The following RIMS3 variants were observed in gnomAD, a reference collection of about 807,000 sequenced individuals.
RIMS3 encodes regulating synaptic membrane exocytosis 3.
A neutral mutation model predicts 29.2 loss-of-function variants in RIMS3; 15 were observed. That is an observed-to-expected ratio of 0.51 (90% confidence interval 0.34 to 0.79). RIMS3 has a LOEUF of 0.79. RIMS3 is among the 30% of genes least tolerant of loss of function. The probability of loss-of-function intolerance (pLI) is 0.01; values close to 1 mark genes in which losing one functional copy is unlikely to be tolerated. For missense variants in RIMS3, 342 were observed against 421.4 expected (o/e 0.81, Z 1.65); for synonymous variants, 161 against 170.1 (o/e 0.95, Z 0.41).
the RIMS3 span, among the ~76,000 whole-genome samples, chr1:40,689,394 G>A: frequency 6.6e-6 from 1 of 152,226 alleles, no homozygotes; most frequent in Middle Eastern, 3.4e-3. Context: ...CAATTCTCCT[G>A]CCTCAGCCTC....
intron 1 of RIMS3, among the ~76,000 whole-genome samples, chr1:40,664,506 C>A (rs1344741470): frequency 6.6e-6 from 1 of 152,196 alleles, no homozygotes; most frequent in African/African-American, 2.4e-5. Context: ...TCCCTACATC[C>A]TGATAACACC....
rs1646605037 is a variant in RIMS3, at chr1:40,647,732, T to C, written c.-96A>G. 6.6e-6 allele frequency: 1 copy of C among 152,118 alleles called. No individual in the cohort carries two copies. The highest frequency in any genetic ancestry group is 2.4e-5 in the African/African-American group (1 of 41,400). 9.4% of individuals were successfully genotyped at this position (152,118 alleles called of 1,614,324 possible). On this transcript the variant is annotated 5_prime_UTR_variant, in exon 2 of 8. The change abolishes the stop of an existing upstream ORF in the 5' untranslated region. Transcript: ENST00000372684. Reference sequence around the variant, plus strand: ...GGGCTGCCTCCCAACAGCACACCCCTAGGGCATTTGCACAAGGCTTCAATT... The same window carrying C: ...GGGCTGCCTCCCAACAGCACACCCCCAGGGCATTTGCACAAGGCTTCAATT...
At chr1:40,688,459 T>C in the RIMS3 span, among the ~76,000 whole-genome samples, 4 of 152,186 alleles carry the variant, frequency 2.6e-5, no homozygotes, top group Admixed American at 2.6e-4. Flanking sequence ...TTGAACCATT[T>C]CCTGGGGGTA....
rs1208726820 is a variant in RIMS3 at position 40,636,577 on chromosome 1, G to T, written c.218-520C>A. On this transcript the variant is annotated intron_variant, in intron 3 of 7. Transcript: ENST00000372684. This position sits in a 1 kb window ranked among gnomAD's most constrained non-coding sequence, Gnocchi z 4.2. ...CTCTATAGGAAAGCCCCCATGGGAA[G>T]CCTGGCCACTCTCAAACAAACCCAC... Among the ~76,000 whole-genome samples the T allele has an allele frequency of 6.6e-6, 1 of 152,172 alleles. No homozygotes were observed. Among genetic ancestry groups the T allele is most frequent in the Non-Finnish European group, 1.5e-5 (1 of 68,034 alleles).
the RIMS3 span, among the ~76,000 whole-genome samples, chr1:40,689,117 T>C: frequency 2.0e-4 from 31 of 152,344 alleles, 1 homozygote; most frequent in South Asian, 6.0e-3. Flanking sequence ...TCACACAACA[T>C]TACAGGTTAT....
the RIMS3 span, among the ~76,000 whole-genome samples, chr1:40,674,433 C>A: frequency 6.6e-6 from 1 of 152,184 alleles, no homozygotes; most frequent in South Asian, 2.1e-4. Context: ...GCAGATAGGG[C>A]CAGCACCGGA....
intron 7 of RIMS3, among the ~76,000 whole-genome samples, chr1:40,627,653 G>A (rs1242392436): frequency 6.6e-6 from 1 of 152,048 alleles, no homozygotes; most frequent in African/African-American, 2.4e-5. Flanking sequence ...CCAGGCTGGA[G>A]TGCAGTGGCA....
At chr1:40,691,906 G>A in the RIMS3 span, 2 of 348,140 alleles carry the variant, frequency 5.7e-6, no homozygotes, top group Admixed American at 7.8e-5. Flanking sequence ...GAGGGTGATA[G>A]GGAAGCGGCG....
rs1168128814 is a variant in RIMS3, at chr1:40,622,853, G to A, written c.*3664C>T. The A allele has an allele frequency of 6.5e-6, 1 of 152,754 alleles. No homozygotes were observed. The highest frequency in any genetic ancestry group is 1.5e-5 in the Non-Finnish European group (1 of 68,134). 9.5% of individuals were successfully genotyped at this position (152,754 alleles called of 1,614,324 possible). On this transcript the variant is annotated 3_prime_UTR_variant, in exon 8 of 8. Coordinates refer to ENST00000372684, the MANE Select transcript of RIMS3 (RefSeq NM_014747.3). ...GGGAAGAGGAGCTCAGCAACTCCTG[G>A]GCAGCAGGGCATGGAAGAGGGACCC...
chr1:40,670,574 TTATATATA>T (rs553412097), upstream of RIMS3, among the ~76,000 whole-genome samples: 111 of 71,184 alleles, frequency 1.6e-3, 2 homozygotes, highest in South Asian at 3.0e-3. Flanking sequence ...AGTTATAATT[TTATATATA>T]TATATATATA....
chr1:40,623,859 T>G lies in RIMS3; in HGVS notation c.*2658A>C. On this transcript the variant is annotated 3_prime_UTR_variant, in exon 8 of 8. Transcript: ENST00000372684. Reference sequence around the variant, plus strand: ...ACAGACGTGTCAGCCTCACACAACTTTACCCTCATGGGGTAAAATCCAGGT... The same window carrying G: ...ACAGACGTGTCAGCCTCACACAACTGTACCCTCATGGGGTAAAATCCAGGT... 1 of 259,752 alleles carries G rather than the reference T, an allele frequency of 3.8e-6. No individual in the cohort carries two copies. Among genetic ancestry groups the G allele is most frequent in the Non-Finnish European group, 7.3e-6 (1 of 137,808 alleles). 16.1% of individuals were successfully genotyped at this position (259,752 alleles called of 1,614,324 possible).
chr1:40,681,811 G>A, the RIMS3 span, among the ~76,000 whole-genome samples: 4 of 152,102 alleles, frequency 2.6e-5, no homozygotes, highest in African/African-American at 7.2e-5. Context: ...TCAATACAGG[G>A]TTTTCTCCCT....
chr1:40,632,842 A>G (rs981843841), intron 5 of RIMS3, among the ~76,000 whole-genome samples: 4 of 152,206 alleles, frequency 2.6e-5, no homozygotes, highest in African/African-American at 4.8e-5. Context: ...AGCATCTAAT[A>G]GGAGCTCAGT....
At chr1:40,673,036 G>A in the RIMS3 span, among the ~76,000 whole-genome samples, 13 of 151,980 alleles carry the variant, frequency 8.6e-5, no homozygotes, top group South Asian at 2.1e-4. Context: ...AAAAATTAGC[G>A]GAGCGTGGTG....
chr1:40,672,355 C>T, the RIMS3 span, among the ~76,000 whole-genome samples: 247 of 152,120 alleles, frequency 1.6e-3, 2 homozygotes, highest in African/African-American at 5.5e-3. Flanking sequence ...CCCGCCACCA[C>T]GCCCAGCTAA....
At chr1:40,642,539 C>T (rs569235075) in intron 2 of RIMS3, among the ~76,000 whole-genome samples, 1 of 152,124 alleles carries the variant, frequency 6.6e-6, no homozygotes, top group South Asian at 2.1e-4. Flanking sequence ...AGAAAATCAC[C>T]CTTTATCGTA....
chr1:40,635,944 T>A lies in RIMS3; in HGVS notation c.331A>T (p.Ser111Cys). Residue 111 changes from serine (S) to cysteine (C), a missense_variant, in exon 4 of 8, where the codon AGC (serine) becomes TGC (cysteine). Ser to Cys is a moderately radical substitution (Grantham distance 112). Coordinates refer to ENST00000372684, the MANE Select transcript of RIMS3 (RefSeq NM_014747.3). The surrounding 1 kb of genome is among the most constrained non-coding windows in gnomAD (Gnocchi z 4.1). ...CCGTCGGAGCTGTTGCTGTTGGTGC[T>A]CCCATCGGTGGACTCCCGGCTGCCC... is the stretch of plus-strand genomic sequence containing the variant. ...RQGSRESTDG[S>C]TNSNSSDGTF... is the part of the protein sequence containing the mutation. 6.2e-7 allele frequency: 1 copy of A among 1,612,758 alleles called. No individual in the cohort carries two copies. The highest frequency in any genetic ancestry group is 2.2e-5 in the East Asian group (1 of 44,876).
At chr1:40,662,079 C>T (rs965214531) in intron 1 of RIMS3, among the ~76,000 whole-genome samples, 3 of 152,182 alleles carry the variant, frequency 2.0e-5, no homozygotes, top group African/African-American at 7.2e-5. Flanking sequence ...GGGCCATAGA[C>T]CCTAACATTC....
intron 1 of RIMS3, among the ~76,000 whole-genome samples, chr1:40,649,036 G>A (rs150877808): frequency 6.2e-4 from 94 of 152,328 alleles, no homozygotes; most frequent in Middle Eastern, 3.4e-3. Context: ...AGAGGTGGGC[G>A]GGTGATGAGT....
Sources: gnomAD v4.1 joint callset for allele counts (sites outside exome capture counted in the v4.1 genomes callset) on GRCh38, gnomAD v4.1.1 for gene constraint, Gnocchi (gnomAD v3.1) non-coding constraint, MANE v1.5 for transcripts, NCBI Gene and HGNC (gene_info 2026-07-23, HGNC 2026-07-21) for gene names.